MYL2: variants seen among roughly 807,000 people sequenced by gnomAD.
MYL2 encodes myosin regulatory light chain 2, ventricular/cardiac muscle isoform.
Under a neutral mutation model 23.0 loss-of-function variants are expected in MYL2, and 19 were observed. That is an observed-to-expected ratio of 0.83 (90% CI 0.58 to 1.21). The LOEUF (loss-of-function observed/expected upper bound fraction) is 1.21. Ranked by LOEUF, MYL2 falls within the 50% of genes most tolerant of loss-of-function variation. The probability of loss-of-function intolerance (pLI) is 0.00; values close to 1 mark genes in which losing one functional copy is unlikely to be tolerated. For missense variants in MYL2, 180 were observed against 215.1 expected (o/e 0.84, Z 1.02); for synonymous variants, 78 against 76.2 (o/e 1.02, Z -0.13).
intron 2 of MYL2, among the ~76,000 whole-genome samples, chr12:110,916,393 C>T (rs2071688059): frequency 6.6e-6 from 1 of 152,154 alleles, no homozygotes; most frequent in African/African-American, 2.4e-5. Flanking sequence ...CAGCATCGTT[C>T]ACAGTAGCCC....
At chr12:110,912,804 A>G (rs1255423231) in intron 6 of MYL2, among the ~76,000 whole-genome samples, 1 of 152,146 alleles carries the variant, frequency 6.6e-6, no homozygotes, top group Admixed American at 6.5e-5. Context: ...GTCTCAAGTG[A>G]TCCTCCTGCC....
chr12:110,911,139 T>A lies in MYL2; in HGVS notation c.439A>T (p.Thr147Ser). 1 of 1,612,296 alleles carries A rather than the reference T, an allele frequency of 6.2e-7. No individual in the cohort carries two copies. The highest frequency in any genetic ancestry group is 8.5e-7 in the Non-Finnish European group (1 of 1,179,508). ...QMFAAFPPDV[T>S]GNLDYKNLVH... ...AGGTTCTTGTAGTCCAAGTTGCCAG[T>A]CACGTCAGGGGGGAAGGCGGCGAAC... The change falls in exon 7 of 7, where the codon ACT becomes TCT. Residue 147 changes from threonine (T) to serine (S), a missense_variant. By Grantham distance (58) the Thr-to-Ser change is moderately conservative. Transcript: ENST00000228841.
chr12:110,915,285 A>C (rs1459758502), intron 3 of MYL2, among the ~76,000 whole-genome samples: 2 of 152,206 alleles, frequency 1.3e-5, no homozygotes, highest in Non-Finnish European at 2.9e-5. Flanking sequence ...TTGAGATGAT[A>C]CATTTTAGAA....
At chr12:110,914,129 C>A (rs2071672894) in intron 4 of MYL2, 57 bp downstream of exon 4, 5 of 1,290,554 alleles carry the variant, frequency 3.9e-6, no homozygotes, top group Non-Finnish European at 5.6e-6. Context: ...TCTGCCAGCC[C>A]CCCCGAAGAA....
upstream of MYL2, chr12:110,920,764 A>C (rs2233257): frequency 1.0e-3 from 620 of 620,552 alleles, 6 homozygotes; most frequent in African/African-American, 0.011. Context: ...AAAGGCATTC[A>C]AGGTTAAAGA....
At chr12:110,914,151 T>C (rs1319243215) in intron 4 of MYL2, 35 bp downstream of exon 4, 1 of 1,467,652 alleles carries the variant, frequency 6.8e-7, no homozygotes, top group South Asian at 1.1e-5. Flanking sequence ...CATAGACACA[T>C]ACACACAGAC....
In MYL2 at chr12:110,919,196, G is replaced by C. The variant is rs112595556; in HGVS notation, c.4-3C>G. The C allele has an allele frequency of 6.2e-7, 1 of 1,612,464 alleles. No individual in the cohort carries two copies. The highest frequency in any genetic ancestry group is 1.1e-5 in the South Asian group (1 of 90,884). ...CTCTTCTTTGCTTTCTTAGGTGCCTGGGGGAAAAAAGCATCGATTAAAAGA... is the reference window on the plus strand; with the variant it reads ...CTCTTCTTTGCTTTCTTAGGTGCCTCGGGGAAAAAAGCATCGATTAAAAGA... On this transcript the variant is annotated splice_region_variant and splice_polypyrimidine_tract_variant and intron_variant, in intron 1 of 6. Transcript: ENST00000228841.
In MYL2 at chr12:110,918,370, C is replaced by G. The variant is rs2071699508; in HGVS notation, c.93+734G>C. On this transcript the variant is annotated intron_variant, in intron 2 of 6. Coordinates refer to ENST00000228841, the MANE Select transcript of MYL2 (RefSeq NM_000432.4). This position sits in a 1 kb window ranked among gnomAD's most constrained non-coding sequence, Gnocchi z 4.4. ...CCAGAAGATACTGCTTTTCACCTCTCAGACTGGCAAAAAAAAATTGTGACT... is the reference window on the plus strand; with the variant it reads ...CCAGAAGATACTGCTTTTCACCTCTGAGACTGGCAAAAAAAAATTGTGACT... Among the ~76,000 whole-genome samples, 1 of 152,040 alleles carries G rather than the reference C, an allele frequency of 6.6e-6. No individual in the cohort carries two copies. Among genetic ancestry groups the G allele is most frequent in the Non-Finnish European group, 1.5e-5 (1 of 68,022 alleles).
At chr12:110,913,866 C>T (rs1450143873) in intron 4 of MYL2, among the ~76,000 whole-genome samples, 2 of 152,182 alleles carry the variant, frequency 1.3e-5, no homozygotes, top group Non-Finnish European at 2.9e-5. Flanking sequence ...GATTCTCCCG[C>T]CTCAGCCTCC....
rs190020833 is a variant in MYL2 at position 110,913,123 on chromosome 12, C to T, written c.375G>A (p.Thr125=). The T allele has an allele frequency of 1.7e-5, 28 of 1,614,190 alleles. No homozygotes were observed. The Admixed American group carries it at 2.5e-4, about 14-fold the overall frequency. ...KADYVREMLT[T]QAERFSKEEV... is the part of the protein sequence containing the mutation. Reference sequence around the variant, plus strand: ...CCTCCTTGGAAAACCTCTCCGCCTGCGTGGTCAGCATTTCCCGAACGCTGC... The same window carrying T: ...CCTCCTTGGAAAACCTCTCCGCCTGTGTGGTCAGCATTTCCCGAACGCTGC... The change falls in exon 6 of 7, where the codon ACG becomes ACA. Residue 125 remains threonine (T), a synonymous_variant. Coordinates refer to ENST00000228841, the MANE Select transcript of MYL2 (RefSeq NM_000432.4).
intron 1 of MYL2, 74 bp downstream of exon 1, chr12:110,920,453 G>A (rs1002909903): frequency 6.7e-5 from 108 of 1,609,794 alleles, no homozygotes; most frequent in Middle Eastern, 1.7e-4. Context: ...CCCCTCCGCC[G>A]TGGTCCCTCG....
upstream of MYL2, among the ~76,000 whole-genome samples, chr12:110,921,422 T>C (rs764656703): frequency 2.0e-5 from 3 of 152,194 alleles, no homozygotes; most frequent in Non-Finnish European, 4.4e-5. Context: ...TTTGTTTCTC[T>C]GCACAGCGTG....
At chr12:110,911,297 C>T (rs2071651481) in intron 6 of MYL2, 122 bp from the exon 7 acceptor site, 3 of 694,778 alleles carry the variant, frequency 4.3e-6, no homozygotes, top group Admixed American at 4.2e-5. Flanking sequence ...GAACATGGGC[C>T]ACTCAGAGGG....
intron 4 of MYL2, among the ~76,000 whole-genome samples, chr12:110,913,694 T>C (rs2071669400): frequency 6.6e-6 from 1 of 152,178 alleles, no homozygotes; most frequent in African/African-American, 2.4e-5. Context: ...TATAAAGTGG[T>C]TAGCATGAGG....
In MYL2 at chr12:110,915,925, AC is replaced by A; in HGVS notation, c.94-136del. 11 of 789,148 alleles carry A rather than the reference AC, an allele frequency of 1.4e-5. No individual in the cohort carries two copies. In the South Asian group the frequency reaches 1.5e-4, roughly 11 times the overall value. The allele number at this position is 789,148 out of a possible 1,614,324, so 48.9% of individuals were successfully genotyped here. A position where few individuals can be genotyped will look rare whatever the true frequency, so the allele number is the denominator to read the frequency against. On this transcript the variant is annotated intron_variant, in intron 2 of 6. Transcript: ENST00000228841. ...TTGTAGGACCTCAGATTAAAAGTCA[AC>A]AATTGAAGATAATCCAACAGTTTCT... is the stretch of plus-strand genomic sequence containing the variant.
At chr12:110,920,373 T>TC (rs1370648207) in intron 1 of MYL2, among the ~76,000 whole-genome samples, 154 bp downstream of exon 1, 2 of 152,024 alleles carry the variant, frequency 1.3e-5, no homozygotes, top group African/African-American at 4.8e-5. Flanking sequence ...TGATTGGGGT[T>TC]CCTCTGTGCC....
At chr12:110,919,660 A>G (rs149926660) in intron 1 of MYL2, among the ~76,000 whole-genome samples, 36 of 152,268 alleles carry the variant, frequency 2.4e-4, no homozygotes, top group African/African-American at 8.4e-4. Flanking sequence ...TTAAAACCCA[A>G]CTGCGCCCCA....
chr12:110,914,613 G>A (rs1218635082), intron 3 of MYL2, among the ~76,000 whole-genome samples: 2 of 152,172 alleles, frequency 1.3e-5, no homozygotes, highest in Admixed American at 1.3e-4. Flanking sequence ...CCGCCTCCCA[G>A]GTTCAAGCGA....
intron 6 of MYL2, 70 bp from the exon 7 acceptor site, chr12:110,911,245 GGCGGGGCCTGAGTGGACGGATAGCT>G: frequency 2.0e-6 from 1 of 511,468 alleles, no homozygotes; most frequent in Non-Finnish European, 3.6e-6. Context: ...GGGGGCTGTG[GGCGGGGCCTGAGTGGACGGATAGCT>G]GGGGGGTGGG....
Sources: allele counts gnomAD v4.1 joint callset (sites outside exome capture counted in the v4.1 genomes callset), GRCh38; gene constraint gnomAD v4.1.1; non-coding constraint Gnocchi (gnomAD v3.1); transcripts MANE v1.5; gene names NCBI Gene and HGNC (gene_info 2026-07-23, HGNC 2026-07-21).